The following MATN2 variants were observed in gnomAD, a reference collection of about 807,000 sequenced individuals.
MATN2 encodes matrilin 2, also known as matrilin-2.
MATN2 carries 69 observed loss-of-function variants against 103.2 expected under a neutral mutation model. The observed-to-expected ratio is 0.67, with a 90% confidence interval of 0.55 to 0.82. The LOEUF is 0.82. MATN2 is among the 40% of genes least tolerant of loss of function. MATN2 has a pLI of 0.00. For missense variants in MATN2, 1,023 were observed against 1,211.5 expected (o/e 0.84, Z 2.31); for synonymous variants, 429 against 450.2 (o/e 0.95, Z 0.60).
intron 5 of MATN2, among the ~76,000 whole-genome samples, chr8:97,969,566 A>G (rs1811589909): frequency 6.6e-6 from 1 of 152,208 alleles, no homozygotes; most frequent in Non-Finnish European, 1.5e-5. Context: ...TGTAGGGAGC[A>G]GGAAGTAGGG....
chr8:98,027,747 G>A lies in MATN2; in HGVS notation c.2274G>A (p.Arg758=), dbSNP rs764189691. 6.2e-7 allele frequency: 1 copy of A among 1,612,688 alleles called. No homozygotes were observed. The highest frequency in any genetic ancestry group is 1.7e-5 in the Admixed American group (1 of 59,622). ...QGEGARPLST[R]VPRAAIVFTD... Reference sequence around the variant, plus strand: ...AAGGGGCCAGGCCCCTTTCCACAAGGGTGCCCAGAGCAGCCATTGTGTTCA... The same window carrying A: ...AAGGGGCCAGGCCCCTTTCCACAAGAGTGCCCAGAGCAGCCATTGTGTTCA... The change falls in exon 14 of 19, where the codon AGG becomes AGA. Residue 758 remains arginine, a synonymous_variant. Coordinates refer to ENST00000254898, the MANE Select transcript of MATN2 (RefSeq NM_002380.5).
chr8:97,965,222 G>A (rs1368644000), intron 5 of MATN2, among the ~76,000 whole-genome samples: 4 of 152,232 alleles, frequency 2.6e-5, no homozygotes, highest in Non-Finnish European at 5.9e-5. Flanking sequence ...GACAGCAGAA[G>A]GAACTGGATT....
chr8:97,998,401 A>G (rs1812668214), intron 7 of MATN2, among the ~76,000 whole-genome samples: 1 of 150,642 alleles, frequency 6.6e-6, no homozygotes, highest in African/African-American at 2.4e-5. Context: ...GGGCGCCTGT[A>G]GTCCCAACTG....
chr8:97,956,076 G>A lies in MATN2; in HGVS notation c.836-5332G>A, dbSNP rs534628198. Among the ~76,000 whole-genome samples the A allele has an allele frequency of 1.2e-4, 18 of 152,348 alleles. No individual in the cohort carries two copies. The South Asian group carries it at 1.4e-3, about 12-fold the overall frequency. ...ATGTAAACAGCTTTATTGAAGAGAC[G>A]GTGTTACAGCCCTGGCAGTGTTACG... On this transcript the variant is annotated intron_variant, in intron 4 of 18. Transcript: ENST00000254898.
In MATN2 at chr8:97,994,559, C is replaced by T. The variant is rs16896514; in HGVS notation, c.1161C>T (p.Cys387=). Residue 387 remains cysteine, a synonymous_variant, in exon 7 of 19, where the codon TGC becomes TGT. Coordinates refer to ENST00000254898, the MANE Select transcript of MATN2 (RefSeq NM_002380.5). ...VNTDDSYSCH[C]LKGFTLNPDK... ...CAGATGATTCCTATTCCTGCCACTG[C>T]CTGAAAGGCTTTACCCTGAATCCAG... The T allele has an allele frequency of 0.11, 177,365 of 1,612,984 alleles. 11,076 individuals carry two copies. Among genetic ancestry groups the T allele is most frequent in the Admixed American group, 0.23 (13,825 of 59,822 alleles).
intron 12 of MATN2, among the ~76,000 whole-genome samples, chr8:98,018,684 C>T (rs1258635617): frequency 6.6e-6 from 1 of 152,094 alleles, no homozygotes; most frequent in African/African-American, 2.4e-5. Flanking sequence ...GAGAAGAGAA[C>T]TTGTGCAGGG....
At chr8:97,925,834 G>A (rs1367711096) in intron 2 of MATN2, among the ~76,000 whole-genome samples, 1 of 152,096 alleles carries the variant, frequency 6.6e-6, no homozygotes, top group Non-Finnish European at 1.5e-5. Flanking sequence ...TTTTACCCTT[G>A]TCATGGAGAT....
Position 97,995,281 on chromosome 8 carries a change from A to G in MATN2, c.1204+679A>G, listed in dbSNP as rs1316412720. Among the ~76,000 whole-genome samples, 20 of 152,326 alleles carry G rather than the reference A, an allele frequency of 1.3e-4. No individual in the cohort carries two copies. The East Asian group carries it at 3.1e-3, about 23-fold the overall frequency. The stretch of plus-strand genomic sequence containing the variant: ...TTTTTCTCGCTGCTGAATTCTCAAA[A>G]GCTCAAAGAGTGCTTGGCACTCATA... On this transcript the variant is annotated intron_variant, in intron 7 of 18. Transcript: ENST00000254898.
intron 10 of MATN2, among the ~76,000 whole-genome samples, chr8:98,013,573 T>G (rs2130407005): frequency 6.6e-6 from 1 of 152,290 alleles, no homozygotes; most frequent in Admixed American, 6.5e-5. Flanking sequence ...TGAAATCATC[T>G]ATGGGGCTAG....
intron 2 of MATN2, among the ~76,000 whole-genome samples, chr8:97,889,489 A>ATATAT (rs1408329205): frequency 3.5e-5 from 5 of 143,688 alleles, no homozygotes; most frequent in African/African-American, 7.8e-5. Context: ...ATATATATAT[A>ATATAT]AAACTGATGA....
At chr8:97,943,899 T>C (rs1260962537) in intron 4 of MATN2, among the ~76,000 whole-genome samples, 1 of 152,126 alleles carries the variant, frequency 6.6e-6, no homozygotes, top group African/African-American at 2.4e-5. Context: ...AAATAAAAAA[T>C]AAAGTGTTCT....
intron 4 of MATN2, among the ~76,000 whole-genome samples, chr8:97,957,177 G>A (rs2130245609): frequency 6.6e-6 from 1 of 152,272 alleles, no homozygotes; most frequent in South Asian, 2.1e-4. Flanking sequence ...CATTTGACTG[G>A]GGTTGTGAGC....
At position 97,880,122 on chromosome 8, in the gene MATN2, C is replaced by T. The variant is rs529266370; in HGVS notation, c.-26-7953C>T. On this transcript the variant is annotated intron_variant, in intron 1 of 18. Coordinates refer to ENST00000254898, the MANE Select transcript of MATN2 (RefSeq NM_002380.5). ...TTTTTGAGACCAAGTCTTGCATTGT[C>T]ACCCAGGCTGCAGTGCAGTGGCGCC... is the stretch of plus-strand genomic sequence containing the variant. Among the ~76,000 whole-genome samples the T allele has an allele frequency of 3.1e-4, 43 of 140,548 alleles. No homozygotes were observed. The South Asian group carries it at 9.2e-3, about 30-fold the overall frequency. The allele number at this position is 140,548 out of a possible 152,430, so 92.2% of individuals were successfully genotyped here.
At chr8:97,884,853 G>A (rs1012278227) in intron 1 of MATN2, among the ~76,000 whole-genome samples, 1 of 152,200 alleles carries the variant, frequency 6.6e-6, no homozygotes, top group African/African-American at 2.4e-5. Context: ...AGTGTTTGAA[G>A]TGCTTTAAAT....
chr8:97,882,456 G>A (rs929231707), intron 1 of MATN2, among the ~76,000 whole-genome samples: 1 of 151,936 alleles, frequency 6.6e-6, no homozygotes, highest in Non-Finnish European at 1.5e-5. Context: ...CAGTGGCAGT[G>A]ATCATGGCTC....
intron 1 of MATN2, among the ~76,000 whole-genome samples, chr8:97,882,721 A>C (rs1273379737): frequency 6.6e-6 from 1 of 152,044 alleles, no homozygotes; most frequent in Non-Finnish European, 1.5e-5. Flanking sequence ...TCACATCTTC[A>C]CCAACACTTG....
chr8:98,034,203 A>G, intron 18 of MATN2: 1 of 456,068 alleles, frequency 2.2e-6, no homozygotes, highest in Non-Finnish European at 4.4e-6. Flanking sequence ...CACTCTAAAA[A>G]ATGAAACACT....
At chr8:98,013,481 T>G (rs1034008770) in intron 10 of MATN2, among the ~76,000 whole-genome samples, 2 of 152,202 alleles carry the variant, frequency 1.3e-5, no homozygotes, top group Non-Finnish European at 2.9e-5. Context: ...AATGTTTCCT[T>G]TTGTTCAACA....
intron 1 of MATN2, among the ~76,000 whole-genome samples, chr8:97,871,160 G>A (rs1313144715): frequency 3.3e-5 from 5 of 152,178 alleles, no homozygotes; most frequent in African/African-American, 1.2e-4. Flanking sequence ...TTAGCAAAAG[G>A]TAGTTAAAAG....
Sources: allele counts gnomAD v4.1 joint callset (sites outside exome capture counted in the v4.1 genomes callset), GRCh38; gene constraint gnomAD v4.1.1; transcripts MANE v1.5; gene names NCBI Gene and HGNC (gene_info 2026-07-23, HGNC 2026-07-21).